Variants in LUZP2 observed in about 807,000 individuals in gnomAD.
LUZP2 encodes the protein leucine zipper protein 2.
In LUZP2, 52 loss-of-function variants were observed where a neutral mutation model predicts 51.6. That is an observed-to-expected ratio of 1.01 (90% CI 0.81 to 1.27). LUZP2 has a LOEUF of 1.27. Among genes scored for constraint, LUZP2 ranks in the 50% most tolerant of loss-of-function variants. The pLI is 0.00. For synonymous variants in LUZP2, 154 were observed against 137.3 expected (o/e 1.12, Z -0.85); for missense variants, 436 against 395.4 (o/e 1.10, Z -0.87).
At chr11:24,562,402 C>G (rs1716681938) in intron 1 of LUZP2, among the ~76,000 whole-genome samples, 3 of 151,464 alleles carry the variant, frequency 2.0e-5, no homozygotes, top group Admixed American at 2.0e-4. Context: ...GAAAGGCACC[C>G]CAAGGGATAT....
At chr11:24,647,735 G>GC (rs1855506593) in intron 1 of LUZP2, among the ~76,000 whole-genome samples, 1 of 151,696 alleles carries the variant, frequency 6.6e-6, no homozygotes, top group Non-Finnish European at 1.5e-5. Flanking sequence ...TATCAAGATT[G>GC]CCCCTCATTT....
chr11:24,902,302 T>C (rs1032258049), intron 5 of LUZP2, among the ~76,000 whole-genome samples: 3 of 152,096 alleles, frequency 2.0e-5, no homozygotes, highest in African/African-American at 7.2e-5. Context: ...TTTCTGATCC[T>C]CTCCCTCCTC....
At chr11:24,947,538 CT>C (rs1248429230) in intron 7 of LUZP2, among the ~76,000 whole-genome samples, 2 of 151,864 alleles carry the variant, frequency 1.3e-5, no homozygotes, top group East Asian at 1.9e-4. Context: ...CACTGGTGCT[CT>C]TTTTTTCCCC....
At chr11:24,862,500 G>T (rs903300817) in intron 5 of LUZP2, among the ~76,000 whole-genome samples, 4 of 151,996 alleles carry the variant, frequency 2.6e-5, no homozygotes, top group Admixed American at 1.3e-4. Context: ...CTAGTGTGCA[G>T]CATTATGATG....
chr11:24,543,245 G>T (rs72874819), intron 1 of LUZP2, among the ~76,000 whole-genome samples: 23,576 of 150,302 alleles, frequency 0.16, 2,047 homozygotes, highest in African/African-American at 0.22. Context: ...ATCTGCGAAA[G>T]GTATACCTTC....
chr11:25,044,696 C>T (rs190122422), intron 9 of LUZP2, among the ~76,000 whole-genome samples: 35 of 138,900 alleles, frequency 2.5e-4, no homozygotes, highest in South Asian at 4.8e-4. Flanking sequence ...TTGACCCAGC[C>T]ATCCCATTAC....
At chr11:24,886,388 A>AG (rs1374163264) in intron 5 of LUZP2, among the ~76,000 whole-genome samples, 2 of 152,136 alleles carry the variant, frequency 1.3e-5, no homozygotes, top group Non-Finnish European at 2.9e-5. Flanking sequence ...CAATTCTATA[A>AG]ATAATTGAAG....
rs145971806 is a variant in LUZP2 at position 24,943,149 on chromosome 11, A to C, written c.522+28611A>C. 2.7e-3 allele frequency among the ~76,000 whole-genome samples: 416 copies of C among 152,198 alleles called. 2 individuals are homozygous for C. Among genetic ancestry groups the C allele is most frequent in the African/African-American group, 9.5e-3 (393 of 41,520 alleles). On this transcript the variant is annotated intron_variant, in intron 7 of 11. Coordinates refer to ENST00000336930, the MANE Select transcript of LUZP2 (RefSeq NM_001009909.4). Reference sequence around the variant, plus strand: ...TTGCAGTTCAGGACATTATTTAAGCACTCTGAATATGACATGTAAAAAAAT... The same window carrying C: ...TTGCAGTTCAGGACATTATTTAAGCCCTCTGAATATGACATGTAAAAAAAT...
At chr11:24,952,743 G>A (rs1173579860) in intron 7 of LUZP2, among the ~76,000 whole-genome samples, 2 of 151,856 alleles carry the variant, frequency 1.3e-5, no homozygotes, top group Non-Finnish European at 2.9e-5. Context: ...AATACTTTTT[G>A]TTCTACTGTT....
At chr11:25,007,345 G>A (rs1417837645) in intron 9 of LUZP2, among the ~76,000 whole-genome samples, 1 of 152,222 alleles carries the variant, frequency 6.6e-6, no homozygotes, top group Non-Finnish European at 1.5e-5. Flanking sequence ...GCTCACACCT[G>A]TAATCCTAGC....
chr11:24,799,198 G>A (rs1331296538), intron 5 of LUZP2, among the ~76,000 whole-genome samples: 2 of 152,100 alleles, frequency 1.3e-5, no homozygotes, highest in African/African-American at 2.4e-5. Flanking sequence ...ACATGAGCTC[G>A]TTCAGTTATC....
intron 1 of LUZP2, among the ~76,000 whole-genome samples, chr11:24,647,992 T>G (rs1387305308): frequency 6.6e-6 from 1 of 151,926 alleles, no homozygotes; most frequent in Non-Finnish European, 1.5e-5. Flanking sequence ...CATTACTCAC[T>G]GGATTCTTAC....
chr11:24,964,920 A>G (rs936670285), intron 7 of LUZP2, among the ~76,000 whole-genome samples: 3 of 151,868 alleles, frequency 2.0e-5, no homozygotes, highest in Admixed American at 1.3e-4. Context: ...GAAGACAAAC[A>G]TGTTTTATTT....
intron 5 of LUZP2, among the ~76,000 whole-genome samples, chr11:24,823,831 A>G (rs960974929): frequency 2.0e-5 from 3 of 152,170 alleles, no homozygotes; most frequent in African/African-American, 7.2e-5. Flanking sequence ...TGGGAGGCTG[A>G]GACGGGTGGA....
intron 5 of LUZP2, among the ~76,000 whole-genome samples, chr11:24,776,336 A>G (rs1377605248): frequency 1.3e-5 from 2 of 150,974 alleles, no homozygotes; most frequent in African/African-American, 5.0e-5. Flanking sequence ...AATTGATCAC[A>G]TTCCTGAGTC....
chr11:24,685,440 A>G (rs953469923), intron 1 of LUZP2, among the ~76,000 whole-genome samples: 1 of 152,028 alleles, frequency 6.6e-6, no homozygotes, highest in African/African-American at 2.4e-5. Flanking sequence ...CTCACACAGC[A>G]CACTGAAATG....
chr11:24,620,976 C>A (rs1854475463), intron 1 of LUZP2, among the ~76,000 whole-genome samples: 1 of 152,118 alleles, frequency 6.6e-6, no homozygotes, highest in South Asian at 2.1e-4. Context: ...GCAACTTTAC[C>A]CCTTCCCTGG....
intron 1 of LUZP2, among the ~76,000 whole-genome samples, chr11:24,683,193 T>C (rs1343340560): frequency 6.6e-6 from 1 of 152,204 alleles, no homozygotes; most frequent in African/African-American, 2.4e-5. Context: ...CAAAGAGAAG[T>C]GTTGAACCTT....
At chr11:25,077,240 C>T in intron 10 of LUZP2, 89 bp from the exon 11 acceptor site, 1 of 964,332 alleles carries the variant, frequency 1.0e-6, no homozygotes, top group Non-Finnish European at 1.7e-6. Context: ...ATCTTCTCAA[C>T]AGGAAGAATT....
Sources: allele counts gnomAD v4.1 joint callset (sites outside exome capture counted in the v4.1 genomes callset), GRCh38; gene constraint gnomAD v4.1.1; transcripts MANE v1.5; gene names NCBI Gene and HGNC (gene_info 2026-07-23, HGNC 2026-07-21).